LARP1B: variants seen among roughly 807,000 people sequenced by gnomAD.
LARP1B encodes la-related protein 1B.
A neutral mutation model predicts 114.2 loss-of-function variants in LARP1B; 76 were observed. That is an observed-to-expected ratio of 0.67 (90% CI 0.55 to 0.81). The LOEUF (loss-of-function observed/expected upper bound fraction) is 0.81. Ranked by LOEUF, LARP1B falls within the 30% of genes least tolerant of loss-of-function variation. The pLI is 0.00. For synonymous variants in LARP1B, 345 were observed against 348.0 expected, an observed-to-expected ratio of 0.99 and a Z score of 0.10; for missense variants, 1,014 against 1,075.8, an observed-to-expected ratio of 0.94 and a Z score of 0.80.
At chr4:128,196,248 CAAAAAAAAA>C (rs35423896) in intron 15 of LARP1B, among the ~76,000 whole-genome samples, 1 of 88,614 alleles carries the variant, frequency 1.1e-5, no homozygotes, top group Non-Finnish European at 2.2e-5. Context: ...GAGAGTCTGT[CAAAAAAAAA>C]AAAAAAAAAA....
At chr4:128,212,668 CAAAA>C (rs974768693), downstream of LARP1B, among the ~76,000 whole-genome samples, 31 of 151,856 alleles carry the variant, frequency 2.0e-4, no homozygotes, top group Admixed American at 1.4e-3. Context: ...AAAACAAAAA[CAAAA>C]AACAAACAAA....
intron 12 of LARP1B, 82 bp downstream of exon 12, chr4:128,162,399 TC>T: frequency 1.6e-6 from 2 of 1,252,246 alleles, no homozygotes; most frequent in Non-Finnish European, 2.2e-6. Context: ...TCCTTTTTTT[TC>T]TTTATTTGTG....
intron 3 of LARP1B, among the ~76,000 whole-genome samples, chr4:128,076,793 T>G (rs1768092724): frequency 6.6e-6 from 1 of 152,104 alleles, no homozygotes; most frequent in African/African-American, 2.4e-5. Flanking sequence ...TGGCATGATC[T>G]CAGCTCATTG....
Position 128,210,496 on chromosome 4 carries a change from T to C in LARP1B, c.*443T>C. ...TTTCTTAAAGAATCCACAATCCAAT[T>C]ACCCCACTGTCAATTCATATTTGAA... is the stretch of plus-strand genomic sequence containing the variant. On this transcript the variant is annotated 3_prime_UTR_variant, in exon 20 of 20. Coordinates refer to ENST00000326639, the MANE Select transcript of LARP1B (RefSeq NM_018078.4). 1 of 988,102 alleles carries C rather than the reference T, an allele frequency of 1.0e-6. No individual in the cohort carries two copies. The highest frequency in any genetic ancestry group is 1.2e-6 in the Non-Finnish European group (1 of 830,610). 61.2% of individuals were successfully genotyped at this position (988,102 alleles called of 1,614,324 possible).
intron 9 of LARP1B, among the ~76,000 whole-genome samples, chr4:128,113,361 T>A (rs2149883273): frequency 6.6e-6 from 1 of 150,722 alleles, no homozygotes; most frequent in Admixed American, 6.6e-5. Flanking sequence ...CTTTTTTTTT[T>A]TTTTTGAGAC....
chr4:128,086,011 T>A (rs1773354659), intron 5 of LARP1B, among the ~76,000 whole-genome samples: 1 of 20,074 alleles, frequency 5.0e-5, no homozygotes. Context: ...ATGGTATTCT[T>A]TTTTTTTTTT....
intron 5 of LARP1B, among the ~76,000 whole-genome samples, chr4:128,087,208 A>G (rs757156748): frequency 1.2e-4 from 18 of 152,176 alleles, no homozygotes; most frequent in Non-Finnish European, 2.2e-4. Flanking sequence ...GGTGCGATCC[A>G]CCGCATCCGG....
intron 19 of LARP1B, among the ~76,000 whole-genome samples, chr4:128,208,180 T>G (rs944952586): frequency 6.6e-6 from 1 of 151,718 alleles, no homozygotes; most frequent in South Asian, 2.1e-4. Flanking sequence ...ATACAAAAAT[T>G]AGCTGGGTGT....
intron 7 of LARP1B, among the ~76,000 whole-genome samples, chr4:128,096,227 TC>T (rs1241556380): frequency 1.3e-5 from 2 of 152,056 alleles, no homozygotes; most frequent in East Asian, 3.9e-4. Flanking sequence ...TCTTCTGACC[TC>T]GTGATCCGCC....
chr4:128,126,064 G>A (rs1488426520), intron 11 of LARP1B, among the ~76,000 whole-genome samples: 1 of 151,518 alleles, frequency 6.6e-6, no homozygotes. Flanking sequence ...GATCTCGCAT[G>A]TGAGAATGAG....
intron 7 of LARP1B, among the ~76,000 whole-genome samples, chr4:128,092,393 G>A (rs1776227210): frequency 1.3e-5 from 2 of 152,094 alleles, no homozygotes; most frequent in African/African-American, 4.8e-5. Context: ...TACTGAATGT[G>A]AAGTCAGGAG....
intron 4 of LARP1B, among the ~76,000 whole-genome samples, chr4:128,079,092 CTT>C (rs75874776): frequency 1.4e-4 from 20 of 142,260 alleles, no homozygotes; most frequent in East Asian, 4.2e-4. Flanking sequence ...AATAGTTTGT[CTT>C]TTTTTTTTTT....
rs1290455091 is a variant in LARP1B, at chr4:128,206,466, G to A, written c.2348G>A (p.Gly783Glu). The A allele has an allele frequency of 1.9e-6, 3 of 1,612,684 alleles. No homozygotes were observed. The highest frequency in any genetic ancestry group is 2.7e-5 in the African/African-American group (2 of 74,806). Reference protein sequence around the residue: ...LECLFRFYSYGLEKKFRREIF... With the variant: ...LECLFRFYSYELEKKFRREIF... ...TGTCTGTTCAGGTTTTATAGTTATG[G>A]ACTGGAAAAAAAATTCAGGCGAGAA... Residue 783 changes from glycine (G) to glutamate (E), a missense_variant, in exon 18 of 20, where the codon GGA (glycine) becomes GAA (glutamate). Physicochemically the swap from Gly to Glu is moderately conservative, Grantham distance 98. Transcript: ENST00000326639.
At chr4:128,217,185 TG>T (rs1759571430) in intron 6 of LARP1B, among the ~76,000 whole-genome samples, 1 of 137,076 alleles carries the variant, frequency 7.3e-6, no homozygotes, top group South Asian at 2.6e-4. Context: ...CAGGACCAGA[TG>T]GATTCACAGC....
intron 11 of LARP1B, among the ~76,000 whole-genome samples, chr4:128,143,664 G>A (rs2150238407): frequency 6.6e-6 from 1 of 152,266 alleles, no homozygotes; most frequent in Admixed American, 6.5e-5. Context: ...GGGGGAGAGT[G>A]TGAATGAATT....
rs149244668 is a variant in LARP1B, at chr4:128,207,236, A to C, written c.2420-20A>C. 6 of 1,186,236 alleles carry C rather than the reference A, an allele frequency of 5.1e-6. No individual in the cohort carries two copies. Among genetic ancestry groups the C allele is most frequent in the Non-Finnish European group, 6.8e-6 (6 of 877,384 alleles). The allele number at this position is 1,186,236 out of a possible 1,614,324, so 73.5% of individuals were successfully genotyped here. A position where few individuals can be genotyped will look rare whatever the true frequency, so the allele number is the denominator to read the frequency against. On this transcript the variant is annotated intron_variant, in intron 18 of 19. Transcript: ENST00000326639. ...TAAAATTTCATATAATTCATAATGT[A>C]TATTATTCTTTGTTATTAGGTCAGC...
intron 8 of LARP1B, among the ~76,000 whole-genome samples, chr4:128,105,645 A>G (rs1295625503): frequency 1.3e-5 from 2 of 152,120 alleles, no homozygotes; most frequent in African/African-American, 4.8e-5. Context: ...GTAATCCTGC[A>G]TTTTGGGAGG....
At chr4:128,080,335 G>A (rs919379002) in intron 4 of LARP1B, among the ~76,000 whole-genome samples, 1 of 152,098 alleles carries the variant, frequency 6.6e-6, no homozygotes, top group East Asian at 1.9e-4. Context: ...TAAAACCCAG[G>A]TGTTTTGTAG....
chr4:128,103,720 G>C (rs761574556), intron 8 of LARP1B, among the ~76,000 whole-genome samples: 2 of 151,804 alleles, frequency 1.3e-5, no homozygotes, highest in African/African-American at 4.8e-5. Flanking sequence ...CTGCCACCAC[G>C]CCTGGCTAAT....
Sources: allele counts gnomAD v4.1 joint callset (sites outside exome capture counted in the v4.1 genomes callset), GRCh38; gene constraint gnomAD v4.1.1; transcripts MANE v1.5; gene names NCBI Gene and HGNC (gene_info 2026-07-23, HGNC 2026-07-21).